The following KMT2D variants were observed in gnomAD, a reference collection of about 807,000 sequenced individuals.
KMT2D encodes the protein lysine methyltransferase 2D.
In KMT2D, 55 loss-of-function variants were observed where a neutral mutation model predicts 512.7. That is an observed-to-expected ratio of 0.11 (90% confidence interval 0.09 to 0.13). The LOEUF (loss-of-function observed/expected upper bound fraction) is 0.13, where lower values mean the gene tolerates loss of function less well. Among genes scored for constraint, KMT2D ranks in the 10% least tolerant of loss-of-function variants. KMT2D has a pLI of 1.00. For missense variants in KMT2D, 6,061 were observed against 7,127.9 expected (o/e 0.85, Z 5.39); for synonymous variants, 2,995 against 2,904.0 (o/e 1.03, Z -1.01).
rs1943455095 is a variant in KMT2D at position 49,040,423 on chromosome 12, A to G, written c.7347T>C (p.Pro2449=). 2 of 1,561,354 alleles carry G rather than the reference A, an allele frequency of 1.3e-6. No individual in the cohort carries two copies. Among genetic ancestry groups the G allele is most frequent in the Non-Finnish European group, 8.7e-7 (1 of 1,153,290 alleles). ...GAGGGCGTGAGGGTGGGCGAGAATAAGGGTCAGGGGACTGGAAGCGAGGGG... is the reference window on the plus strand; with the variant it reads ...GAGGGCGTGAGGGTGGGCGAGAATAGGGGTCAGGGGACTGGAAGCGAGGGG... ...PVTPRFQSPD[P]YSRPPSRPQS... The change falls in exon 32 of 55, where the codon CCT becomes CCC. Residue 2449 remains proline (P), a synonymous_variant. Coordinates refer to ENST00000301067, the MANE Select transcript of KMT2D (RefSeq NM_003482.4).
At chr12:49,027,606 C>T (rs1163867664) in intron 48 of KMT2D, among the ~76,000 whole-genome samples, 197 bp downstream of exon 48, 9 of 152,136 alleles carry the variant, frequency 5.9e-5, no homozygotes, top group South Asian at 4.1e-4. Flanking sequence ...CGCACCATCA[C>T]GCCTGGCTAC....
chr12:49,042,058 G>A lies in KMT2D; in HGVS notation c.6109+31C>T, dbSNP rs748753812. The A allele has an allele frequency of 6.2e-7, 1 of 1,612,452 alleles. No individual in the cohort carries two copies. The highest frequency in any genetic ancestry group is 8.5e-7 in the Non-Finnish European group (1 of 1,178,774). ...ACTCCTCCACCTGCCATGTTGCCAG[G>A]CTGTCTCCCTTGCCCTCATCCCACA... On this transcript the variant is annotated intron_variant, in intron 29 of 54. Coordinates refer to ENST00000301067, the MANE Select transcript of KMT2D (RefSeq NM_003482.4). This position sits in a 1 kb window ranked among gnomAD's most constrained non-coding sequence, Gnocchi z 4.4.
chr12:49,030,080 T>A (rs988444268), intron 43 of KMT2D, among the ~76,000 whole-genome samples, 200 bp downstream of exon 43: 1 of 152,150 alleles, frequency 6.6e-6, no homozygotes, highest in Non-Finnish European at 1.5e-5. Context: ...CCTCTCCTAT[T>A]GCATTTGCTC....
Position 49,032,216 on chromosome 12 carries a change from G to C in KMT2D, c.12489C>G (p.Pro4163=), listed in dbSNP as rs972873789. ...GTTGTGGCCCTGTATTATTTTGCATGGGCCGCTCTAGCATGGGCTGTTGGG... is the reference window on the plus strand; with the variant it reads ...GTTGTGGCCCTGTATTATTTTGCATCGGCCGCTCTAGCATGGGCTGTTGGG... The part of the protein sequence containing the change: ...LGPQQPMLER[P]MQNNTGPQPP... Residue 4163 remains proline (P), a synonymous_variant, in exon 40 of 55, where the codon CCC becomes CCG. Coordinates refer to ENST00000301067, the MANE Select transcript of KMT2D (RefSeq NM_003482.4). The C allele has an allele frequency of 6.2e-7, 1 of 1,613,170 alleles. No homozygotes were observed. Among genetic ancestry groups the C allele is most frequent in the Non-Finnish European group, 8.5e-7 (1 of 1,179,384 alleles).
chr12:49,043,449 T>A (rs758660447), intron 24 of KMT2D, 21 bp from the exon 25 acceptor site: 1 of 1,613,216 alleles, frequency 6.2e-7, no homozygotes, highest in Admixed American at 1.7e-5. Flanking sequence ...GAGTCCCCCC[T>A]CCAATCAGAG....
At position 49,044,592 on chromosome 12, in the gene KMT2D, A is replaced by G; in HGVS notation, c.4964-70T>C. The G allele has an allele frequency of 6.3e-7, 1 of 1,586,078 alleles. No homozygotes were observed. The highest frequency in any genetic ancestry group is 8.6e-7 in the Non-Finnish European group (1 of 1,165,106). Reference sequence around the variant, plus strand: ...GCCCTTTTAACCTTGTCATCCTGCCACTGAGAGAGCTGAATACCTTGCCTC... The same window carrying G: ...GCCCTTTTAACCTTGTCATCCTGCCGCTGAGAGAGCTGAATACCTTGCCTC... On this transcript the variant is annotated intron_variant, in intron 20 of 54. Transcript: ENST00000301067. This position sits in a 1 kb window ranked among gnomAD's most constrained non-coding sequence, Gnocchi z 6.4.
chr12:49,030,458 G>C lies in KMT2D; in HGVS notation c.13840-19C>G, dbSNP rs1458815687. ...GGTTATTCTGAGGGGTGGGGGGTGG[G>C]GTGTTGTGTGCAAGATGGCATAGGG... is the stretch of plus-strand genomic sequence containing the variant. On this transcript the variant is annotated intron_variant, in intron 42 of 54. Transcript: ENST00000301067. 1 of 476,290 alleles carries C rather than the reference G, an allele frequency of 2.1e-6. No individual in the cohort carries two copies. Among genetic ancestry groups the C allele is most frequent in the African/African-American group, 2.6e-5 (1 of 38,762 alleles). 29.5% of individuals were successfully genotyped at this position (476,290 alleles called of 1,614,324 possible). A position where few individuals can be genotyped will look rare whatever the true frequency, so the allele number is the denominator to read the frequency against.
In KMT2D at chr12:49,040,213, G is replaced by C. The variant is rs2120524329; in HGVS notation, c.7557C>G (p.Val2519=). ...CAAATGCACCCGTCCCAGGGGACCG[G>C]ACAAAATTGGGGGGCTGCCCACTTG... The part of the protein sequence containing the change: ...KVPSGQPPNF[V]RSPGTGAFVG... The change falls in exon 32 of 55, where the codon GTC becomes GTG. Residue 2519 remains valine (V), a synonymous_variant. Transcript: ENST00000301067. 6.2e-7 allele frequency: 1 copy of C among 1,613,254 alleles called. No individual in the cohort carries two copies. The highest frequency in any genetic ancestry group is 8.5e-7 in the Non-Finnish European group (1 of 1,179,646).
rs772146616 is a variant in KMT2D, at chr12:49,051,297, G to A, written c.2386C>T (p.His796Tyr). Residue 796 changes from histidine (H) to tyrosine (Y), a missense_variant, in exon 11 of 55, where the codon CAT (histidine) becomes TAT (tyrosine). By Grantham distance (83) the His-to-Tyr change is moderately conservative (BLOSUM62 2). Coordinates refer to ENST00000301067, the MANE Select transcript of KMT2D (RefSeq NM_003482.4). ...AATTCCTCAGGCTGAGGGGACAGAT[G>A]TGGTCCCTCAGCCTGGGGGGACAAG... ...PHLSPQAEGP[H>Y]LSPQPEELHL... The A allele has an allele frequency of 7.6e-6, 12 of 1,577,006 alleles. No homozygotes were observed. In the East Asian group the frequency reaches 2.7e-4, roughly 35 times the overall value.
intron 12 of KMT2D, 75 bp downstream of exon 12, chr12:49,049,607 G>A (rs1044838907): frequency 1.4e-6 from 2 of 1,437,394 alleles, no homozygotes; most frequent in Non-Finnish European, 1.9e-6. Context: ...AGGTGGGAAA[G>A]TATCAGTGAC....
Position 49,024,476 on chromosome 12 carries a change from C to A in KMT2D, c.16052+102G>T. On this transcript the variant is annotated intron_variant, in intron 51 of 54. Transcript: ENST00000301067. This position sits in a 1 kb window ranked among gnomAD's most constrained non-coding sequence, Gnocchi z 4.5. The stretch of plus-strand genomic sequence containing the variant: ...GTCTAAGAGTGATTCCCCATTTTCT[C>A]CACGGGAACTCTGATCTGTATCCTA... 6.9e-7 allele frequency: 1 copy of A among 1,445,686 alleles called. No individual in the cohort carries two copies. 89.6% of individuals were successfully genotyped at this position (1,445,686 alleles called of 1,614,324 possible).
chr12:49,025,799 A>G (rs1430075732), intron 49 of KMT2D, among the ~76,000 whole-genome samples: 2 of 152,234 alleles, frequency 1.3e-5, no homozygotes, highest in Non-Finnish European at 2.9e-5. Context: ...CTGTTATTTT[A>G]TCATTAACAC....
At chr12:49,021,920 G>C (rs376901867) in intron 54 of KMT2D, 48 bp from the exon 55 acceptor site, 5 of 1,577,720 alleles carry the variant, frequency 3.2e-6, no homozygotes, top group Non-Finnish European at 4.4e-6. Context: ...CACAGGAAGA[G>C]GGGAGGCCAG....
At position 49,039,693 on chromosome 12, in the gene KMT2D, T is replaced by C. The variant is rs769949452; in HGVS notation, c.8046+31A>G. 3.1e-6 allele frequency: 5 copies of C among 1,607,542 alleles called. No individual in the cohort carries two copies. Among genetic ancestry groups the C allele is most frequent in the East Asian group, 4.5e-5 (2 of 44,814 alleles). The stretch of plus-strand genomic sequence containing the variant: ...GGCTGCCCCAGAGACAGGAGCGATA[T>C]AGGGGGCTTAGCTCCAGGGTGTCAA... On this transcript the variant is annotated intron_variant, in intron 32 of 54. Transcript: ENST00000301067. The surrounding 1 kb of genome is among the most constrained non-coding windows in gnomAD (Gnocchi z 5.0).
rs781367864 is a variant in KMT2D at position 49,030,299 on chromosome 12, A to T, written c.13980T>A (p.Asp4660Glu). 6.2e-7 allele frequency: 1 copy of T among 1,600,312 alleles called. No homozygotes were observed. Among genetic ancestry groups the T allele is most frequent in the South Asian group, 1.1e-5 (1 of 88,860 alleles). ...ACTTACCCCTCAGTGCCCTTTCACTATCCCGGGCAGAGGCAGCATCCTTGG... is the reference window on the plus strand; with the variant it reads ...ACTTACCCCTCAGTGCCCTTTCACTTTCCCGGGCAGAGGCAGCATCCTTGG... ...EHPKDAASAR[D>E]SERALRDTSE... The change falls in exon 43 of 55, where the codon GAT (aspartate) becomes GAA (glutamate). Residue 4660 changes from aspartate to glutamate, a missense_variant. Coordinates refer to ENST00000301067, the MANE Select transcript of KMT2D (RefSeq NM_003482.4).
rs767287571 is a variant in KMT2D, at chr12:49,041,875, C to T, written c.6183+42G>A. On this transcript the variant is annotated intron_variant, in intron 30 of 54. Coordinates refer to ENST00000301067, the MANE Select transcript of KMT2D (RefSeq NM_003482.4). This position sits in a 1 kb window ranked among gnomAD's most constrained non-coding sequence, Gnocchi z 5.4. ...TAAATTACCCAAAGATCCCTCCCTC[C>T]CTCTCAGTTCCCACGCTAATCCATG... 1 of 1,563,522 alleles carries T rather than the reference C, an allele frequency of 6.4e-7. No homozygotes were observed. Among genetic ancestry groups the T allele is most frequent in the Non-Finnish European group, 8.7e-7 (1 of 1,148,972 alleles).
Position 49,022,251 on chromosome 12 carries a change from T to G in KMT2D, c.16412+29A>C. 6.3e-7 allele frequency: 1 copy of G among 1,588,946 alleles called. No homozygotes were observed. The highest frequency in any genetic ancestry group is 1.1e-5 in the South Asian group (1 of 89,876). ...CCAGAGTGCCACTCTCAGGGACCAC[T>G]AAATCCCTCCTTCCTCGTCATCTCT... On this transcript the variant is annotated intron_variant, in intron 53 of 54. Coordinates refer to ENST00000301067, the MANE Select transcript of KMT2D (RefSeq NM_003482.4). The surrounding 1 kb of genome is among the most constrained non-coding windows in gnomAD (Gnocchi z 8.6).
chr12:49,046,850 T>C lies in KMT2D; in HGVS notation c.4237-60A>G. Reference sequence around the variant, plus strand: ...GGTGGAAAAGAGGTAGAACTTCTTTTTATTTTTTTTTGGAGATGGAGTTTT... The same window carrying C: ...GGTGGAAAAGAGGTAGAACTTCTTTCTATTTTTTTTTGGAGATGGAGTTTT... On this transcript the variant is annotated intron_variant, in intron 15 of 54. Transcript: ENST00000301067. The surrounding 1 kb of genome is among the most constrained non-coding windows in gnomAD (Gnocchi z 4.2). 1 of 1,496,984 alleles carries C rather than the reference T, an allele frequency of 6.7e-7. No individual in the cohort carries two copies. Among genetic ancestry groups the C allele is most frequent in the South Asian group, 1.3e-5 (1 of 79,742 alleles). 92.7% of individuals were successfully genotyped at this position (1,496,984 alleles called of 1,614,324 possible).
chr12:49,039,627 A>T lies in KMT2D; in HGVS notation c.8047-10T>A. ...CTCGTAGTCGCTGGCGCTATGCAAA[A>T]AAAAGAGAAGAGGAATAAGCCCATT... On this transcript the variant is annotated splice_polypyrimidine_tract_variant and intron_variant, in intron 32 of 54. Coordinates refer to ENST00000301067, the MANE Select transcript of KMT2D (RefSeq NM_003482.4). The surrounding 1 kb of genome is among the most constrained non-coding windows in gnomAD (Gnocchi z 5.0). 1 of 1,605,888 alleles carries T rather than the reference A, an allele frequency of 6.2e-7. No individual in the cohort carries two copies. Among genetic ancestry groups the T allele is most frequent in the Non-Finnish European group, 8.5e-7 (1 of 1,178,184 alleles).
Sources: gnomAD v4.1 joint callset for allele counts (sites outside exome capture counted in the v4.1 genomes callset) on GRCh38, gnomAD v4.1.1 for gene constraint, Gnocchi (gnomAD v3.1) non-coding constraint, MANE v1.5 for transcripts, NCBI Gene and HGNC (gene_info 2026-07-23, HGNC 2026-07-21) for gene names.